PPP2R5C: variants seen among roughly 807,000 people sequenced by gnomAD.
The protein encoded by PPP2R5C is protein phosphatase 2 regulatory subunit B'gamma.
A neutral mutation model predicts 68.9 loss-of-function variants in PPP2R5C; 7 were observed. The ratio of observed to expected loss-of-function variants is 0.10; its 90% CI spans 0.06 to 0.19. The LOEUF (loss-of-function observed/expected upper bound fraction) is 0.19. Among genes scored for constraint, PPP2R5C ranks in the 10% least tolerant of loss-of-function variants. The probability of loss-of-function intolerance (pLI) is 1.00; values close to 1 mark genes in which losing one functional copy is unlikely to be tolerated. For synonymous variants in PPP2R5C, 210 were observed against 222.2 expected (o/e 0.95, Z 0.49); for missense variants, 348 against 641.3 (o/e 0.54, Z 4.94).
intron 5 of PPP2R5C, among the ~76,000 whole-genome samples, chr14:101,887,260 G>A (rs944821562): frequency 4.6e-5 from 7 of 152,196 alleles, no homozygotes; most frequent in East Asian, 1.9e-4. Context: ...GCAGTGTGCC[G>A]TTCCTTCTCT....
At chr14:101,857,544 T>G (rs1350287545) in intron 2 of PPP2R5C, among the ~76,000 whole-genome samples, 1 of 151,970 alleles carries the variant, frequency 6.6e-6, no homozygotes, top group Non-Finnish European at 1.5e-5. Context: ...AATAGTCTTA[T>G]CATCCTGCAG....
At chr14:101,859,246 A>G (rs958490707) in intron 2 of PPP2R5C, among the ~76,000 whole-genome samples, 1 of 152,224 alleles carries the variant, frequency 6.6e-6, no homozygotes, top group African/African-American at 2.4e-5. Context: ...AAGCCAACCA[A>G]TAATTTTCAT....
intron 1 of PPP2R5C, among the ~76,000 whole-genome samples, chr14:101,848,925 A>G (rs2041995939): frequency 6.6e-6 from 1 of 152,252 alleles, no homozygotes; most frequent in Non-Finnish European, 1.5e-5. Flanking sequence ...ATACCCACAT[A>G]ACCACCATTC....
intron 2 of PPP2R5C, among the ~76,000 whole-genome samples, chr14:101,874,946 G>A (rs3993396): frequency 0.11 from 16,737 of 152,148 alleles, 1,878 homozygotes; most frequent in African/African-American, 0.28. Flanking sequence ...TGCCATGTTG[G>A]CCAGGCTGGT....
intron 1 of PPP2R5C, among the ~76,000 whole-genome samples, chr14:101,829,074 A>T (rs2040574373): frequency 6.6e-6 from 1 of 152,106 alleles, no homozygotes; most frequent in African/African-American, 2.4e-5. Context: ...GATAAATCTG[A>T]ATCGTGTTTC....
At chr14:101,786,041 C>G (rs1425212309) in exon 3 of PPP2R5C, 2 of 1,533,682 alleles carry the variant, frequency 1.3e-6, no homozygotes, top group South Asian at 1.3e-5. Flanking sequence ...GGAAAAACAG[C>G]CTTGTTGCTG....
At chr14:101,901,603 C>A in intron 8 of PPP2R5C, 116 bp from the exon 11 acceptor site, 1 of 993,880 alleles carries the variant, frequency 1.0e-6, no homozygotes, top group Non-Finnish European at 1.5e-6. Context: ...GAAGATGGCA[C>A]CATCTCCGTG....
chr14:101,824,863 A>T (rs1595277914), intron 1 of PPP2R5C: 1 of 152,580 alleles, frequency 6.6e-6, no homozygotes, highest in East Asian at 1.9e-4. Flanking sequence ...CTGAAGTTTA[A>T]TGAACTAATT....
chr14:101,865,691 T>C (rs2043017632), intron 2 of PPP2R5C, among the ~76,000 whole-genome samples: 1 of 152,154 alleles, frequency 6.6e-6, no homozygotes, highest in East Asian at 1.9e-4. Context: ...TGCTTCTGCC[T>C]CACAGAGCAG....
At position 101,879,641 on chromosome 14, in the gene PPP2R5C, C is replaced by T. The variant is rs778277978; in HGVS notation, c.295-2520C>T. On this transcript the variant is annotated intron_variant, in intron 2 of 13. Transcript: ENST00000334743. The surrounding 1 kb of genome is among the most constrained non-coding windows in gnomAD (Gnocchi z 4.2). ...TGCTCTGCCCCTGTCGGCACCAGGCCGGGCCCACAGCTCTAACCCACCGAA... is the reference window on the plus strand; with the variant it reads ...TGCTCTGCCCCTGTCGGCACCAGGCTGGGCCCACAGCTCTAACCCACCGAA... Among the ~76,000 whole-genome samples, 14 of 152,314 alleles carry T rather than the reference C, an allele frequency of 9.2e-5. No homozygotes were observed. The highest frequency in any genetic ancestry group is 2.4e-4 in the African/African-American group (10 of 41,566).
rs759577675 is a variant in PPP2R5C at position 101,838,795 on chromosome 14, G to A, written c.95-17891G>A. On this transcript the variant is annotated intron_variant, in intron 1 of 13. Transcript: ENST00000334743. ...ATGGTGGCTCATGCCTGTAATCCCA[G>A]CACTCTGGGAGGCCAAGGCAGGCGG... Among the ~76,000 whole-genome samples, 128 of 152,228 alleles carry A rather than the reference G, an allele frequency of 8.4e-4. 1 individual carries two copies. Among genetic ancestry groups the A allele is most frequent in the Non-Finnish European group, 9.1e-4 (62 of 68,034 alleles).
At chr14:101,844,301 C>T (rs1385074062) in intron 1 of PPP2R5C, among the ~76,000 whole-genome samples, 2 of 152,062 alleles carry the variant, frequency 1.3e-5, no homozygotes, top group African/African-American at 4.8e-5. Flanking sequence ...GGGGCCGGAG[C>T]GGTCTGGCAC....
At chr14:101,845,079 G>C (rs2041742262) in intron 1 of PPP2R5C, among the ~76,000 whole-genome samples, 1 of 151,812 alleles carries the variant, frequency 6.6e-6, no homozygotes, top group Non-Finnish European at 1.5e-5. Context: ...ATAATGCTGT[G>C]CTGGATTTAT....
At chr14:101,867,520 G>A (rs2043152913) in intron 2 of PPP2R5C, among the ~76,000 whole-genome samples, 1 of 152,200 alleles carries the variant, frequency 6.6e-6, no homozygotes, top group Non-Finnish European at 1.5e-5. Flanking sequence ...GCTCATGCCT[G>A]TAATCCCAGC....
intron 2 of PPP2R5C, among the ~76,000 whole-genome samples, chr14:101,763,520 T>C (rs932070877): frequency 3.9e-5 from 6 of 152,034 alleles, no homozygotes; most frequent in Non-Finnish European, 7.4e-5. Context: ...GTAGCTGGGA[T>C]TACAGGCACC....
upstream of PPP2R5C, among the ~76,000 whole-genome samples, chr14:101,805,760 A>G (rs1052058470): frequency 1.3e-5 from 2 of 152,246 alleles, no homozygotes; most frequent in Non-Finnish European, 2.9e-5. Context: ...TACAACATGG[A>G]TGAATCTTGC....
chr14:101,851,237 G>A (rs1038714057), intron 1 of PPP2R5C, among the ~76,000 whole-genome samples: 3 of 152,142 alleles, frequency 2.0e-5, no homozygotes, highest in Admixed American at 2.0e-4. Flanking sequence ...TTCAGGACCA[G>A]CCTTGGCCAA....
rs566533696 is a variant in PPP2R5C, at chr14:101,781,115, G to A, written c.94-4903G>A. ...GGTGCCTTGCGGTGCCGCCACTGGA[G>A]GAGTCTTTGCAGGTTTATGGGACAT... On this transcript the variant is annotated intron_variant, in intron 2 of 14. Coordinates refer to the PPP2R5C transcript ENST00000328724. This position sits in a 1 kb window ranked among gnomAD's most constrained non-coding sequence, Gnocchi z 6.4. Among the ~76,000 whole-genome samples, 5 of 152,304 alleles carry A rather than the reference G, an allele frequency of 3.3e-5. No individual in the cohort carries two copies. The highest frequency in any genetic ancestry group is 1.2e-4 in the African/African-American group (5 of 41,586).
rs766941897 is a variant in PPP2R5C at position 101,825,542 on chromosome 14, C to T, written c.94+15506C>T. 2.0e-5 allele frequency among the ~76,000 whole-genome samples: 3 copies of T among 152,214 alleles called. No homozygotes were observed. The highest frequency in any genetic ancestry group is 4.4e-5 in the Non-Finnish European group (3 of 68,044). On this transcript the variant is annotated intron_variant, in intron 1 of 13. Transcript: ENST00000334743. The surrounding 1 kb of genome is among the most constrained non-coding windows in gnomAD (Gnocchi z 4.0). ...GCTCATCGATGAGGGCAACAGAACA[C>T]AGCATGCAGGCGGAACTGTGCAGGT...
Sources: gnomAD v4.1 joint callset for allele counts (sites outside exome capture counted in the v4.1 genomes callset) on GRCh38, gnomAD v4.1.1 for gene constraint, Gnocchi (gnomAD v3.1) non-coding constraint, MANE v1.5 for transcripts, NCBI Gene and HGNC (gene_info 2026-07-23, HGNC 2026-07-21) for gene names.